The following WDR76 variants were observed in gnomAD, a reference collection of about 807,000 sequenced individuals.
The protein encoded by WDR76 is WD repeat domain 76.
A neutral mutation model predicts 70.2 loss-of-function variants in WDR76; 52 were observed. The ratio of observed to expected loss-of-function variants is 0.74; its 90% CI spans 0.59 to 0.93. The LOEUF is 0.93. WDR76 is among the 40% of genes least tolerant of loss of function. The pLI, the probability that WDR76 is intolerant of heterozygous loss-of-function variation, is 0.00. For missense variants in WDR76, 756 were observed against 760.2 expected, an observed-to-expected ratio of 0.99 and a Z score of 0.07; for synonymous variants, 292 against 271.1, an observed-to-expected ratio of 1.08 and a Z score of -0.76.
intron 8 of WDR76, among the ~76,000 whole-genome samples, chr15:43,849,550 T>A (rs1209217850): frequency 6.6e-6 from 1 of 152,230 alleles, no homozygotes; most frequent in Non-Finnish European, 1.5e-5. Flanking sequence ...GAATGATTTT[T>A]TTTTTTGAGA....
At position 43,859,315 on chromosome 15, in the gene WDR76, A is replaced by G. The variant is rs143180927; in HGVS notation, c.1562+492A>G. ...TACCTTCCTATAGCTACTTCCTAAA[A>G]ATGGATTTAAAGTGTAATATAAACC... is the stretch of plus-strand genomic sequence containing the variant. On this transcript the variant is annotated intron_variant, in intron 11 of 12. Coordinates refer to ENST00000263795, the MANE Select transcript of WDR76 (RefSeq NM_024908.4). Among the ~76,000 whole-genome samples the G allele has an allele frequency of 2.6e-5, 4 of 152,312 alleles. No individual in the cohort carries two copies. The East Asian group carries it at 7.7e-4, about 29-fold the overall frequency.
chr15:43,861,590 G>C (rs2087998405), intron 12 of WDR76, among the ~76,000 whole-genome samples: 1 of 152,208 alleles, frequency 6.6e-6, no homozygotes, highest in Non-Finnish European at 1.5e-5. Context: ...TCAGTCTCTT[G>C]TAGTCAGTAG....
intron 12 of WDR76, among the ~76,000 whole-genome samples, chr15:43,862,761 G>C (rs1303951147): frequency 6.6e-6 from 1 of 152,098 alleles, no homozygotes; most frequent in Non-Finnish European, 1.5e-5. Context: ...ACCTGCCTCG[G>C]CCTCCCAAAG....
chr15:43,831,224 C>G (rs146633624), intron 2 of WDR76, among the ~76,000 whole-genome samples: 1 of 152,110 alleles, frequency 6.6e-6, no homozygotes, highest in East Asian at 1.9e-4. Context: ...GAGCAAGACT[C>G]TTGTTTTAAA....
At chr15:43,854,763 AC>A (rs1211248188) in intron 9 of WDR76, among the ~76,000 whole-genome samples, 3 of 152,212 alleles carry the variant, frequency 2.0e-5, no homozygotes, top group African/African-American at 7.2e-5. Context: ...AGCCTGGCCA[AC>A]ATGGTGAAAC....
At chr15:43,829,165 G>A (rs2087556195) in intron 2 of WDR76, among the ~76,000 whole-genome samples, 1 of 152,108 alleles carries the variant, frequency 6.6e-6, no homozygotes. Flanking sequence ...CTCCCAAAGT[G>A]CTGGGATTAC....
chr15:43,856,000 T>C (rs527632985), intron 9 of WDR76, among the ~76,000 whole-genome samples: 2 of 152,224 alleles, frequency 1.3e-5, no homozygotes, highest in Admixed American at 6.5e-5. Context: ...TACAAGCATA[T>C]AGTTATACAT....
intron 9 of WDR76, among the ~76,000 whole-genome samples, 169 bp from the exon 10 acceptor site, chr15:43,856,777 A>G (rs1312326095): frequency 6.6e-6 from 1 of 152,108 alleles, no homozygotes; most frequent in Non-Finnish European, 1.5e-5. Flanking sequence ...GGAACCCCAA[A>G]TACCCTGACT....
intron 9 of WDR76, among the ~76,000 whole-genome samples, chr15:43,856,008 CA>C (rs2087922187): frequency 6.6e-6 from 1 of 152,170 alleles, no homozygotes; most frequent in African/African-American, 2.4e-5. Flanking sequence ...TATAGTTATA[CA>C]TTTTTTTCTC....
intron 2 of WDR76, 104 bp from the exon 3 acceptor site, chr15:43,834,957 T>A (rs867519729): frequency 2.2e-6 from 2 of 926,224 alleles, no homozygotes; most frequent in African/African-American, 3.3e-5. Flanking sequence ...GATAGTACAA[T>A]TTGAAGTAAA....
chr15:43,843,846 T>C, intron 7 of WDR76, 55 bp from the exon 8 acceptor site: 1 of 1,420,920 alleles, frequency 7.0e-7, no homozygotes, highest in Non-Finnish European at 9.4e-7. Flanking sequence ...CTTTTACTTA[T>C]TTTGACTATT....
At chr15:43,844,926 TAAAAA>T (rs1163275078) in intron 8 of WDR76, among the ~76,000 whole-genome samples, 1 of 15,528 alleles carries the variant, frequency 6.4e-5, no homozygotes, top group African/African-American at 2.6e-4. Flanking sequence ...AGACTCTGTG[TAAAAA>T]AAAAAAAAAA....
At position 43,828,344 on chromosome 15, in the gene WDR76, A is replaced by T. The variant is rs753484363; in HGVS notation, c.440A>T (p.Asp147Val). ...GAAAGTAGTCAGGATGGAGACAGTG[A>T]TGAAGATACCACACCATCCCTGGTA... ...DVESSQDGDS[D>V]EDTTPSLDFS... is the part of the protein sequence containing the mutation. The change falls in exon 2 of 13, where the codon GAT becomes GTT. Residue 147 changes from aspartate to valine, a missense_variant. Transcript: ENST00000263795. 5.3e-5 allele frequency: 86 copies of T among 1,612,238 alleles called. No individual in the cohort carries two copies. The highest frequency in any genetic ancestry group is 6.8e-5 in the Non-Finnish European group (80 of 1,179,302).
intron 5 of WDR76, among the ~76,000 whole-genome samples, chr15:43,840,672 C>T (rs1211802117): frequency 6.6e-6 from 1 of 151,978 alleles, no homozygotes; most frequent in Non-Finnish European, 1.5e-5. Flanking sequence ...TTTTTGAAGC[C>T]TCAGCCCACA....
At chr15:43,863,573 AAAAAG>A (rs1478978397) in intron 12 of WDR76, among the ~76,000 whole-genome samples, 1 of 151,724 alleles carries the variant, frequency 6.6e-6, no homozygotes, top group African/African-American at 2.4e-5. Flanking sequence ...AAAAAAAAAA[AAAAAG>A]AAACAGGGTC....
At chr15:43,842,145 C>G (rs942490300) in intron 5 of WDR76, among the ~76,000 whole-genome samples, 2 of 152,148 alleles carry the variant, frequency 1.3e-5, no homozygotes, top group African/African-American at 4.8e-5. Flanking sequence ...GGATTACAGT[C>G]TCTAAGTTTC....
rs138818052 is a variant in WDR76 at position 43,852,368 on chromosome 15, T to C, written c.1191+1123T>C. Among the ~76,000 whole-genome samples, 142 of 151,418 alleles carry C rather than the reference T, an allele frequency of 9.4e-4. No homozygotes were observed. The East Asian group carries it at 0.017, about 18-fold the overall frequency. ...CCGGGTAATTTGTTGTTGTTGTTGT[T>C]GTCGTCGTTGTTGTTGTTGTAGAGA... On this transcript the variant is annotated intron_variant, in intron 9 of 12. Coordinates refer to ENST00000263795, the MANE Select transcript of WDR76 (RefSeq NM_024908.4).
Position 43,866,526 on chromosome 15 carries a change from ATAAG to A in WDR76, c.*135_*138del. The A allele has an allele frequency of 8.5e-6, 9 of 1,057,146 alleles. 1 individual carries two copies. The South Asian group carries it at 1.5e-4, about 17-fold the overall frequency. 65.5% of individuals were successfully genotyped at this position (1,057,146 alleles called of 1,614,324 possible). A position where few individuals can be genotyped will look rare whatever the true frequency, so the allele number is the denominator to read the frequency against. Reference sequence around the variant, plus strand: ...ATAACATTGTTTTATTAATAAGACTATAAGAAGAGTGTACTTTTAGTAAGGGAGA... The same window carrying A: ...ATAACATTGTTTTATTAATAAGACTAAAGAGTGTACTTTTAGTAAGGGAGA... On this transcript the variant is annotated 3_prime_UTR_variant, in exon 13 of 13. Coordinates refer to ENST00000263795, the MANE Select transcript of WDR76 (RefSeq NM_024908.4).
intron 9 of WDR76, among the ~76,000 whole-genome samples, chr15:43,853,948 A>T (rs2087896418): frequency 6.6e-6 from 1 of 152,068 alleles, no homozygotes; most frequent in Non-Finnish European, 1.5e-5. Flanking sequence ...ACAAATGGCA[A>T]ATAAGCACAT....
Sources: gnomAD v4.1 joint callset for allele counts (sites outside exome capture counted in the v4.1 genomes callset) on GRCh38, gnomAD v4.1.1 for gene constraint, MANE v1.5 for transcripts, NCBI Gene and HGNC (gene_info 2026-07-23, HGNC 2026-07-21) for gene names.